UBE3A: variants seen among roughly 807,000 people sequenced by gnomAD.
The protein encoded by UBE3A is ubiquitin-protein ligase E3A.
Under a neutral mutation model 83.4 loss-of-function variants are expected in UBE3A, and 6 were observed. That is an observed-to-expected ratio of 0.07 (90% CI 0.04 to 0.14). The LOEUF is 0.14. UBE3A is among the 10% of genes least tolerant of loss of function. The pLI is 1.00. For missense variants in UBE3A, 456 were observed against 1,036.1 expected (o/e 0.44, Z 7.69); for synonymous variants, 337 against 355.4 (o/e 0.95, Z 0.58).
chr15:25,389,130 G>T (rs1567029276), intron 4 of UBE3A, among the ~76,000 whole-genome samples: 1 of 152,040 alleles, frequency 6.6e-6, no homozygotes, highest in African/African-American at 2.4e-5. Context: ...CAACGAAACA[G>T]AATAGAGAGC....
intron 11 of UBE3A, among the ~76,000 whole-genome samples, chr15:25,352,493 A>G (rs1463726102): frequency 6.6e-6 from 1 of 152,230 alleles, no homozygotes; most frequent in Admixed American, 6.5e-5. Flanking sequence ...AGTGTGTAAC[A>G]GCATTGTCTA....
intron 1 of UBE3A, among the ~76,000 whole-genome samples, chr15:25,420,494 C>T (rs552279657): frequency 6.6e-6 from 1 of 152,146 alleles, no homozygotes; most frequent in Admixed American, 6.5e-5. Context: ...ATTTATCTAT[C>T]TGACAAAGAA....
rs1249282862 is a variant in UBE3A at position 25,334,310 on chromosome 15, A to G, written c.*4827T>C. The G allele has an allele frequency of 1.3e-5, 2 of 152,182 alleles. No homozygotes were observed. The highest frequency in any genetic ancestry group is 6.5e-5 in the Admixed American group (1 of 15,284). 9.4% of individuals were successfully genotyped at this position (152,182 alleles called of 1,614,324 possible). A position where few individuals can be genotyped will look rare whatever the true frequency, so the allele number is the denominator to read the frequency against. On this transcript the variant is annotated 3_prime_UTR_variant, in exon 13 of 13. Coordinates refer to ENST00000648336, the MANE Select transcript of UBE3A (RefSeq NM_130839.5). ...CAAAAATAAAAATTAGAAAATAATC[A>G]TATAATTAAAGTGGCATCAGTAAAA...
chr15:25,381,861 G>GA (rs1362882064), intron 4 of UBE3A, among the ~76,000 whole-genome samples: 3 of 152,180 alleles, frequency 2.0e-5, no homozygotes, highest in African/African-American at 7.2e-5. Flanking sequence ...GGGATGAAGT[G>GA]AATTTAGATT....
At chr15:25,398,816 A>ATAAATAC (rs1567069211) in intron 4 of UBE3A, among the ~76,000 whole-genome samples, 4 of 40,828 alleles carry the variant, frequency 9.8e-5, no homozygotes, top group Non-Finnish European at 2.1e-4. Flanking sequence ...TATATATATA[A>ATAAATAC]AAATACATAT....
chr15:25,381,336 A>C (rs2082131730), intron 4 of UBE3A, among the ~76,000 whole-genome samples: 1 of 152,216 alleles, frequency 6.6e-6, no homozygotes, highest in African/African-American at 2.4e-5. Context: ...TAAGAAGATG[A>C]AGCCATAGAA....
At chr15:25,339,292 T>TGTAA (rs761991255) in intron 12 of UBE3A, 35 bp from the exon 13 acceptor site, 3 of 1,605,562 alleles carry the variant, frequency 1.9e-6, no homozygotes, top group Non-Finnish European at 2.6e-6. Flanking sequence ...ACAGGAAAAC[T>TGTAA]GTAAGTCATG....
At chr15:25,367,252 T>A (rs1168308403) in intron 6 of UBE3A, among the ~76,000 whole-genome samples, 7 of 85,754 alleles carry the variant, frequency 8.2e-5, no homozygotes, top group Middle Eastern at 6.8e-3. Context: ...AATATTTGCA[T>A]ATTTGTAAAT....
At chr15:25,341,574 A>G (rs2074804824) in intron 11 of UBE3A, among the ~76,000 whole-genome samples, 1 of 150,702 alleles carries the variant, frequency 6.6e-6, no homozygotes, top group South Asian at 2.1e-4. Context: ...GATCAGCCTG[A>G]CCAACGTGGT....
intron 1 of UBE3A, chr15:25,419,598 A>G (rs1417776831): frequency 2.6e-5 from 4 of 152,136 alleles, no homozygotes; most frequent in Non-Finnish European, 4.4e-5. Flanking sequence ...AAAATAAATA[A>G]AAATGGTAAA....
chr15:25,432,069 T>C (rs1456187577), intron 1 of UBE3A, among the ~76,000 whole-genome samples: 1 of 152,158 alleles, frequency 6.6e-6, no homozygotes, highest in African/African-American at 2.4e-5. Flanking sequence ...CAAAAAAGTA[T>C]TTGTTGGAAG....
At chr15:25,416,579 G>A (rs999883895) in intron 1 of UBE3A, among the ~76,000 whole-genome samples, 5 of 151,584 alleles carry the variant, frequency 3.3e-5, no homozygotes, top group Non-Finnish European at 5.9e-5. Context: ...CTAGCTAAAC[G>A]GGTGCTCAGT....
chr15:25,391,598 A>G (rs562018596), intron 4 of UBE3A: 1 of 152,300 alleles, frequency 6.6e-6, no homozygotes, highest in Non-Finnish European at 1.5e-5. Flanking sequence ...CTCCCCAGAG[A>G]AAAAAGTGCA....
intron 1 of UBE3A, among the ~76,000 whole-genome samples, chr15:25,430,339 A>G (rs1417044398): frequency 8.2e-6 from 1 of 122,508 alleles, no homozygotes; most frequent in Non-Finnish European, 1.6e-5. Context: ...TATATAATAC[A>G]TATATATAAG....
chr15:25,355,902 T>C lies in UBE3A; in HGVS notation c.2114A>G (p.Glu705Gly), dbSNP rs764195093. The C allele has an allele frequency of 2.5e-6, 4 of 1,612,816 alleles. No homozygotes were observed. In the African/African-American group the frequency reaches 5.3e-5, roughly 22 times the overall value. The change falls in exon 9 of 13, where the codon GAA becomes GGA. Residue 705 changes from glutamate to glycine, a missense_variant. Physicochemically the swap from Glu to Gly is moderately conservative, Grantham distance 98 (BLOSUM62 -2). Coordinates refer to ENST00000648336, the MANE Select transcript of UBE3A (RefSeq NM_130839.5). The part of the protein sequence containing the change: ...ENGDKIPITN[E>G]NRKEFVNLYS... ...AAAAACATTTATTACCTTCCTGTTT[T>C]CATTTGTAATTGGAATTTTATCACC...
chr15:25,421,593 G>C (rs1380233871), intron 1 of UBE3A, among the ~76,000 whole-genome samples: 1 of 152,152 alleles, frequency 6.6e-6, no homozygotes, highest in South Asian at 2.1e-4. Context: ...TTAATGGATA[G>C]GGTTTCAGAC....
intron 4 of UBE3A, among the ~76,000 whole-genome samples, chr15:25,385,842 A>G (rs947549937): frequency 6.6e-6 from 1 of 152,160 alleles, no homozygotes; most frequent in African/African-American, 2.4e-5. Context: ...TAAAAACTCC[A>G]GAGTTACCCA....
At chr15:25,341,694 C>T (rs1046329843) in intron 11 of UBE3A, among the ~76,000 whole-genome samples, 3 of 140,438 alleles carry the variant, frequency 2.1e-5, no homozygotes, top group Non-Finnish European at 3.0e-5. Context: ...ACATGGGAGG[C>T]GGAGGCTGCA....
At chr15:25,348,413 G>A (rs1029412739) in intron 11 of UBE3A, among the ~76,000 whole-genome samples, 1 of 151,950 alleles carries the variant, frequency 6.6e-6, no homozygotes, top group African/African-American at 2.4e-5. Context: ...CACAGTTAAT[G>A]GTAAATATTA....
Sources: gnomAD v4.1 joint callset for allele counts (sites outside exome capture counted in the v4.1 genomes callset) on GRCh38, gnomAD v4.1.1 for gene constraint, MANE v1.5 for transcripts, NCBI Gene and HGNC (gene_info 2026-07-23, HGNC 2026-07-21) for gene names.